The following KCNH8 variants were observed in gnomAD, a reference collection of about 807,000 sequenced individuals.
KCNH8 encodes the protein voltage-gated delayed rectifier potassium channel KCNH8.
KCNH8 carries 70 observed loss-of-function variants against 103.6 expected under a neutral mutation model. That is an observed-to-expected ratio of 0.68 (90% CI 0.56 to 0.82). The LOEUF (loss-of-function observed/expected upper bound fraction) is 0.82, where lower values mean the gene tolerates loss of function less well. Among genes scored for constraint, KCNH8 ranks in the 40% least tolerant of loss-of-function variants. The probability of loss-of-function intolerance (pLI) is 0.00; values close to 1 mark genes in which losing one functional copy is unlikely to be tolerated. For missense variants in KCNH8, 1,217 were observed against 1,329.9 expected (o/e 0.92, Z 1.32); for synonymous variants, 498 against 489.4 (o/e 1.02, Z -0.23).
chr3:19,375,590 C>A (rs1363046992), intron 5 of KCNH8, among the ~76,000 whole-genome samples: 1 of 151,784 alleles, frequency 6.6e-6, no homozygotes, highest in Non-Finnish European at 1.5e-5. Flanking sequence ...TCGTCTGAAG[C>A]CTTCTTCTCT....
intron 2 of KCNH8, among the ~76,000 whole-genome samples, chr3:19,272,833 A>T (rs961192640): frequency 5.3e-5 from 8 of 152,118 alleles, no homozygotes; most frequent in Admixed American, 3.3e-4. Flanking sequence ...CCTTCTAATA[A>T]ACTATATAAT....
At chr3:19,482,446 A>G (rs1489099954) in intron 11 of KCNH8, among the ~76,000 whole-genome samples, 1 of 152,068 alleles carries the variant, frequency 6.6e-6, no homozygotes, top group Admixed American at 6.5e-5. Context: ...TTTACTACCT[A>G]TGTCTTTTTG....
chr3:19,278,848 C>T (rs113267453), intron 2 of KCNH8, among the ~76,000 whole-genome samples: 2,559 of 152,222 alleles, frequency 0.017, 77 homozygotes, highest in African/African-American at 0.058. Flanking sequence ...AAGGGCTGAT[C>T]AGTGAATATT....
At chr3:19,169,555 C>T (rs1219172026) in intron 1 of KCNH8, among the ~76,000 whole-genome samples, 1 of 152,138 alleles carries the variant, frequency 6.6e-6, no homozygotes, top group African/African-American at 2.4e-5. Flanking sequence ...CTAGCCTAGT[C>T]TCACTCTTTT....
At chr3:19,176,625 C>G (rs1007035682) in intron 1 of KCNH8, among the ~76,000 whole-genome samples, 4 of 152,128 alleles carry the variant, frequency 2.6e-5, no homozygotes, top group Admixed American at 6.5e-5. Context: ...CCAGAACATA[C>G]GGATTTTGAG....
intron 3 of KCNH8, among the ~76,000 whole-genome samples, chr3:19,335,699 T>G (rs1270891732): frequency 1.3e-5 from 2 of 151,698 alleles, no homozygotes; most frequent in Non-Finnish European, 2.9e-5. Context: ...AGATGGTCTT[T>G]TTCTCTGCTT....
At chr3:19,230,464 A>G (rs944862406) in intron 1 of KCNH8, among the ~76,000 whole-genome samples, 2 of 152,192 alleles carry the variant, frequency 1.3e-5, no homozygotes, top group Non-Finnish European at 2.9e-5. Context: ...ACTCAGAACC[A>G]GATAGCATAA....
chr3:19,277,660 T>A (rs1259949381), intron 2 of KCNH8, among the ~76,000 whole-genome samples: 4 of 152,196 alleles, frequency 2.6e-5, no homozygotes, highest in Non-Finnish European at 5.9e-5. Context: ...TGTTTCCCAA[T>A]CAAGAAAAAG....
chr3:19,488,003 A>T (rs1044392213), intron 11 of KCNH8, among the ~76,000 whole-genome samples: 9 of 152,248 alleles, frequency 5.9e-5, no homozygotes, highest in African/African-American at 1.9e-4. Flanking sequence ...ACCAGTATTG[A>T]CCAAAAACTT....
chr3:19,514,134 G>A (rs988031998), intron 13 of KCNH8, among the ~76,000 whole-genome samples: 3 of 151,944 alleles, frequency 2.0e-5, no homozygotes, highest in African/African-American at 4.8e-5. Context: ...AAACTCGAAG[G>A]GTAAATATTT....
intron 1 of KCNH8, among the ~76,000 whole-genome samples, chr3:19,156,982 TAAA>T (rs139952502): frequency 0.014 from 2,060 of 149,790 alleles, 46 homozygotes; most frequent in African/African-American, 0.046. Flanking sequence ...TTTTTTTTTT[TAAA>T]AAAAAGGTTT....
chr3:19,246,827 A>C (rs6769519), intron 1 of KCNH8, among the ~76,000 whole-genome samples: 9,748 of 152,148 alleles, frequency 0.064, 1,009 homozygotes, highest in African/African-American at 0.21. Flanking sequence ...ACTTAAGATT[A>C]TGAATTTCCA....
At chr3:19,377,202 G>T (rs548248798) in intron 5 of KCNH8, among the ~76,000 whole-genome samples, 5 of 152,314 alleles carry the variant, frequency 3.3e-5, no homozygotes, top group Non-Finnish European at 5.9e-5. Context: ...AAAGATATTA[G>T]TGGCAAGGAG....
At chr3:19,531,827 C>T (rs2069166530) in intron 15 of KCNH8, among the ~76,000 whole-genome samples, 1 of 150,716 alleles carries the variant, frequency 6.6e-6, no homozygotes, top group South Asian at 2.1e-4. Context: ...TGAAGTTGAA[C>T]TACCTCTTTT....
intron 11 of KCNH8, among the ~76,000 whole-genome samples, chr3:19,481,089 T>C (rs1463467049): frequency 6.6e-6 from 1 of 152,194 alleles, no homozygotes; most frequent in African/African-American, 2.4e-5. Flanking sequence ...TCCATCCTAA[T>C]AGATGGAAGG....
intron 1 of KCNH8, among the ~76,000 whole-genome samples, chr3:19,169,727 A>C (rs1282218550): frequency 6.6e-6 from 1 of 152,224 alleles, no homozygotes; most frequent in South Asian, 2.1e-4. Context: ...TGAAATAGAT[A>C]CATTATATTA....
At chr3:19,292,363 C>T (rs1277989545) in intron 3 of KCNH8, among the ~76,000 whole-genome samples, 3 of 152,240 alleles carry the variant, frequency 2.0e-5, no homozygotes, top group African/African-American at 7.2e-5. Context: ...AATCAAGATT[C>T]CAACGCAGTG....
intron 1 of KCNH8, among the ~76,000 whole-genome samples, chr3:19,159,657 A>G (rs1429777611): frequency 1.3e-5 from 2 of 152,122 alleles, no homozygotes; most frequent in African/African-American, 4.8e-5. Flanking sequence ...TTTTACTTCA[A>G]TGTGTGTTTA....
At chr3:19,346,881 C>T in intron 4 of KCNH8, 1 of 342,302 alleles carries the variant, frequency 2.9e-6, no homozygotes, top group Non-Finnish European at 5.8e-6. Context: ...CAAATTTCCA[C>T]ACATGCTATT....
Sources: allele counts gnomAD v4.1 joint callset (sites outside exome capture counted in the v4.1 genomes callset), GRCh38; gene constraint gnomAD v4.1.1; transcripts MANE v1.5; gene names NCBI Gene and HGNC (gene_info 2026-07-23, HGNC 2026-07-21).